The following SNAP91 variants were observed in gnomAD, a reference collection of about 807,000 sequenced individuals.
The protein encoded by SNAP91 is synaptosome associated protein 91.
SNAP91 carries 27 observed loss-of-function variants against 100.3 expected under a neutral mutation model. The observed-to-expected ratio is 0.27, with a 90% CI of 0.20 to 0.37. The LOEUF is 0.37. Among genes scored for constraint, SNAP91 ranks in the 10% least tolerant of loss-of-function variants. SNAP91 has a pLI of 1.00. For missense variants in SNAP91, 986 were observed against 1,123.7 expected, an observed-to-expected ratio of 0.88 and a Z score of 1.75; for synonymous variants, 404 against 398.6, an observed-to-expected ratio of 1.01 and a Z score of -0.16.
chr6:83,571,108 C>G (rs2128028450), intron 26 of SNAP91, among the ~76,000 whole-genome samples: 1 of 151,818 alleles, frequency 6.6e-6, no homozygotes, highest in South Asian at 2.1e-4. Context: ...GGGCGCCCAC[C>G]TCTTTTTTTT....
At position 83,593,197 on chromosome 6, in the gene SNAP91, C is replaced by A; in HGVS notation, c.1759G>T (p.Asp587Tyr). 1 of 1,592,832 alleles carries A rather than the reference C, an allele frequency of 6.3e-7. No individual in the cohort carries two copies. The highest frequency in any genetic ancestry group is 8.6e-7 in the Non-Finnish European group (1 of 1,169,104). Residue 587 changes from aspartate (D) to tyrosine (Y), a missense_variant, in exon 19 of 30, where the codon GAC (aspartate) becomes TAC (tyrosine). By Grantham distance (160) the Asp-to-Tyr change is radical. Coordinates refer to ENST00000369694, the MANE Select transcript of SNAP91 (RefSeq NM_001242792.2). ...TTGGTTTTACCTGTACTAAACAGGT[C>A]TATGCTAGGAGCAGCATCTGGCTTA... is the stretch of plus-strand genomic sequence containing the variant. Reference protein sequence around the residue: ...APKPDAAPSIDLFSTDAFSSP... With the variant: ...APKPDAAPSIYLFSTDAFSSP...
At chr6:83,596,762 AT>A (rs987461477) in intron 16 of SNAP91, among the ~76,000 whole-genome samples, 5 of 59,878 alleles carry the variant, frequency 8.4e-5, no homozygotes, top group South Asian at 1.4e-3. Context: ...TCAATTAAAG[AT>A]TTTTTTTTTA....
rs575452620 is a variant in SNAP91 at position 83,561,040 on chromosome 6, G to T, written c.2443-93C>A. ...ACAAACAAAAAGAACAATATAATTTGGTATTTATTTATTTATTTTAAAGAT... is the reference window on the plus strand; with the variant it reads ...ACAAACAAAAAGAACAATATAATTTTGTATTTATTTATTTATTTTAAAGAT... On this transcript the variant is annotated intron_variant, in intron 26 of 29. Coordinates refer to ENST00000369694, the MANE Select transcript of SNAP91 (RefSeq NM_001242792.2). The T allele has an allele frequency of 1.5e-5, 13 of 838,788 alleles. No homozygotes were observed. The East Asian group carries it at 2.7e-4, about 17-fold the overall frequency. The allele number at this position is 838,788 out of a possible 1,614,324, so 52.0% of individuals were successfully genotyped here.
intron 16 of SNAP91, among the ~76,000 whole-genome samples, chr6:83,595,524 T>C (rs1001307254): frequency 6.6e-6 from 1 of 152,072 alleles, no homozygotes; most frequent in African/African-American, 2.4e-5. Flanking sequence ...TGCATAGAGA[T>C]GCTATAGTTT....
Position 83,560,213 on chromosome 6 carries a change from G to C in SNAP91, c.2527-5C>G, listed in dbSNP as rs865829690. 1.6e-5 allele frequency: 25 copies of C among 1,612,110 alleles called. No homozygotes were observed. In the Middle Eastern group the frequency reaches 3.8e-3, roughly 246 times the overall value. Reference sequence around the variant, plus strand: ...CATGCCTGTCCCAGCAGGAGGCTGAGGAGGAAGAATGGAGAGTGGTTCAGA... The same window carrying C: ...CATGCCTGTCCCAGCAGGAGGCTGACGAGGAAGAATGGAGAGTGGTTCAGA... On this transcript the variant is annotated splice_polypyrimidine_tract_variant and splice_region_variant and intron_variant, in intron 27 of 29. Transcript: ENST00000369694.
intron 2 of SNAP91, among the ~76,000 whole-genome samples, chr6:83,687,366 G>A (rs935134204): frequency 1.3e-5 from 2 of 152,132 alleles, no homozygotes; most frequent in African/African-American, 2.4e-5. Flanking sequence ...CCATATGTTT[G>A]TGATGAAATT....
chr6:83,708,142 G>GT (rs2099405542), intron 1 of SNAP91, 185 bp from the exon 2 acceptor site: 1 of 515,712 alleles, frequency 1.9e-6, no homozygotes, highest in South Asian at 3.0e-5. Flanking sequence ...AGTCTTGGCC[G>GT]TGAGTAGGGC....
intron 7 of SNAP91, among the ~76,000 whole-genome samples, chr6:83,651,168 TATTG>T (rs1343256474): frequency 6.6e-6 from 1 of 152,132 alleles, no homozygotes; most frequent in Non-Finnish European, 1.5e-5. Context: ...GCTAGAGACT[TATTG>T]ATTTTATTGA....
chr6:83,676,014 G>C (rs1017738128), intron 2 of SNAP91, among the ~76,000 whole-genome samples: 7 of 151,750 alleles, frequency 4.6e-5, no homozygotes, highest in African/African-American at 1.7e-4. Flanking sequence ...GGGAGGCTGA[G>C]GTGGGAAGAT....
At chr6:83,701,023 T>C (rs778076096) in intron 2 of SNAP91, among the ~76,000 whole-genome samples, 2 of 152,210 alleles carry the variant, frequency 1.3e-5, no homozygotes, top group African/African-American at 2.4e-5. Flanking sequence ...ATTTCATGCA[T>C]GAATTATGCC....
At chr6:83,632,067 C>A (rs1210570342) in intron 8 of SNAP91, among the ~76,000 whole-genome samples, 8 of 151,970 alleles carry the variant, frequency 5.3e-5, no homozygotes, top group Admixed American at 5.2e-4. Flanking sequence ...TCTCAGCATT[C>A]ATTTGTCTGA....
intron 2 of SNAP91, among the ~76,000 whole-genome samples, chr6:83,700,751 T>A (rs2099284213): frequency 6.6e-6 from 1 of 151,994 alleles, no homozygotes; most frequent in Non-Finnish European, 1.5e-5. Context: ...TGGGTACACA[T>A]GATCATGCCT....
Position 83,575,101 on chromosome 6 carries a change from G to C in SNAP91, c.2351C>G (p.Ala784Gly). 6.2e-7 allele frequency: 1 copy of C among 1,606,328 alleles called. No homozygotes were observed. Among genetic ancestry groups the C allele is most frequent in the East Asian group, 2.2e-5 (1 of 44,766 alleles). The change falls in exon 26 of 30, where the codon GCT (alanine) becomes GGT (glycine). Residue 784 changes from alanine to glycine, a missense_variant. Ala to Gly is a moderately conservative substitution (Grantham distance 60, BLOSUM62 0). Around this residue, in one of 4 missense-constraint regions of SNAP91, gnomAD observed 575 missense variants for 579.9 expected, o/e 0.99. Transcript: ENST00000369694. Reference sequence around the variant, plus strand: ...TCCACCAGTCAACTTTTTCTCTCCAGCATTCCACTGAAGATCTCCCCTAAA... The same window carrying C: ...TCCACCAGTCAACTTTTTCTCTCCACCATTCCACTGAAGATCTCCCCTAAA... ...TTKKGDLQWN[A>G]GEKKLTGGAN...
intron 21 of SNAP91, among the ~76,000 whole-genome samples, chr6:83,592,085 T>G (rs1176133960): frequency 6.6e-6 from 1 of 152,228 alleles, no homozygotes; most frequent in Non-Finnish European, 1.5e-5. Context: ...TATTAATAGG[T>G]CATGTTTATT....
chr6:83,574,945 G>C (rs6941004), intron 26 of SNAP91, 65 bp downstream of exon 26: 838,185 of 1,046,482 alleles, frequency 0.8, 337,839 homozygotes, highest in East Asian at 0.96. Flanking sequence ...CAAAATGCAC[G>C]CTACTTTACA....
intron 14 of SNAP91, among the ~76,000 whole-genome samples, chr6:83,604,387 CA>C (rs1269893348): frequency 2.6e-5 from 4 of 152,024 alleles, no homozygotes; most frequent in Non-Finnish European, 5.9e-5. Flanking sequence ...TTGAACATTT[CA>C]ATATAGGATA....
At chr6:83,690,749 T>C (rs1183107720) in intron 2 of SNAP91, among the ~76,000 whole-genome samples, 2 of 152,044 alleles carry the variant, frequency 1.3e-5, no homozygotes, top group Non-Finnish European at 2.9e-5. Flanking sequence ...AGATGGGCAG[T>C]ATTAGATTAG....
chr6:83,656,947 G>T, intron 6 of SNAP91, 82 bp from the exon 7 acceptor site: 1 of 604,270 alleles, frequency 1.7e-6, no homozygotes, highest in Non-Finnish European at 2.8e-6. Flanking sequence ...TGTCTCAAAT[G>T]ACTACTAAGA....
chr6:83,600,763 G>A (rs1272283792), intron 16 of SNAP91, among the ~76,000 whole-genome samples: 1 of 152,184 alleles, frequency 6.6e-6, no homozygotes, highest in African/African-American at 2.4e-5. Flanking sequence ...ACTTAAAGCT[G>A]TAAAAACAGG....
Sources: gnomAD v4.1 joint callset for allele counts (sites outside exome capture counted in the v4.1 genomes callset) on GRCh38, gnomAD v4.1.1 for gene constraint, gnomAD v4.1.1 regional missense constraint, MANE v1.5 for transcripts, NCBI Gene and HGNC (gene_info 2026-07-23, HGNC 2026-07-21) for gene names.